AK5: variants seen among roughly 807,000 people sequenced by gnomAD.
AK5 encodes the protein adenylate kinase isoenzyme 5.
A neutral mutation model predicts 69.5 loss-of-function variants in AK5; 27 were observed. That is an observed-to-expected ratio of 0.39 (90% confidence interval 0.29 to 0.54). The LOEUF (loss-of-function observed/expected upper bound fraction) is 0.54, where lower values mean the gene tolerates loss of function less well. Among genes scored for constraint, AK5 ranks in the 20% least tolerant of loss-of-function variants. AK5 has a pLI of 0.71. For missense variants in AK5, 531 were observed against 700.4 expected (o/e 0.76, Z 2.73); for synonymous variants, 260 against 244.4 (o/e 1.06, Z -0.60).
chr1:77,485,833 T>A (rs1655553803), intron 9 of AK5, among the ~76,000 whole-genome samples: 1 of 152,072 alleles, frequency 6.6e-6, no homozygotes, highest in African/African-American at 2.4e-5. Context: ...AAGACTGAAA[T>A]AAGCAGGGCA....
At chr1:77,385,165 T>C (rs1422784935) in intron 6 of AK5, among the ~76,000 whole-genome samples, 1 of 152,028 alleles carries the variant, frequency 6.6e-6, no homozygotes, top group Non-Finnish European at 1.5e-5. Flanking sequence ...TTGTTTTGTT[T>C]TGTTTTGTTT....
chr1:77,438,714 A>G (rs1652124384), intron 8 of AK5, among the ~76,000 whole-genome samples: 1 of 152,218 alleles, frequency 6.6e-6, no homozygotes, highest in East Asian at 1.9e-4. Context: ...AGGCATGCTA[A>G]TCAACCAAAA....
intron 7 of AK5, among the ~76,000 whole-genome samples, chr1:77,415,929 G>T (rs957846368): frequency 3.9e-5 from 6 of 152,178 alleles, no homozygotes; most frequent in African/African-American, 1.4e-4. Flanking sequence ...TCTAAAATGA[G>T]AAGTGGGATT....
chr1:77,452,234 T>C (rs2100659143), intron 8 of AK5, among the ~76,000 whole-genome samples: 1 of 152,388 alleles, frequency 6.6e-6, no homozygotes, highest in South Asian at 2.1e-4. Flanking sequence ...TGTTGTTCTA[T>C]ATATGTATGT....
chr1:77,287,526 A>T (rs1169447796), intron 2 of AK5, among the ~76,000 whole-genome samples: 1 of 152,272 alleles, frequency 6.6e-6, no homozygotes. Context: ...GATTTGGCTT[A>T]CTAATATTTC....
intron 13 of AK5, among the ~76,000 whole-genome samples, chr1:77,548,594 T>C (rs72683624): frequency 0.013 from 1,974 of 152,260 alleles, 46 homozygotes; most frequent in South Asian, 0.11. Flanking sequence ...ATGGTGCCAA[T>C]ACATGAAAAA....
chr1:77,314,716 A>C (rs1268540185), intron 5 of AK5: 1 of 152,146 alleles, frequency 6.6e-6, no homozygotes, highest in Non-Finnish European at 1.5e-5. Context: ...GTCATCCTAC[A>C]GTGGCATAGA....
chr1:77,357,757 T>C (rs1662609867), intron 6 of AK5, among the ~76,000 whole-genome samples: 1 of 152,232 alleles, frequency 6.6e-6, no homozygotes, highest in African/African-American at 2.4e-5. Flanking sequence ...CTTATTTTAA[T>C]GAAGACATTT....
chr1:77,391,525 A>ATATATATATATATATATATATATATG (rs146163792), intron 6 of AK5, among the ~76,000 whole-genome samples: 2 of 121,682 alleles, frequency 1.6e-5, no homozygotes, highest in Non-Finnish European at 3.4e-5. Flanking sequence ...ATATATATAT[A>ATATATATATATATATATATATATATG]TATCTCCTCA....
At chr1:77,496,241 G>A (rs1477475370) in intron 10 of AK5, among the ~76,000 whole-genome samples, 1 of 152,198 alleles carries the variant, frequency 6.6e-6, no homozygotes. Flanking sequence ...TGAGGGAATG[G>A]TGTGTGCAGG....
At chr1:77,442,039 G>A (rs1461270851) in intron 8 of AK5, among the ~76,000 whole-genome samples, 1 of 152,146 alleles carries the variant, frequency 6.6e-6, no homozygotes, top group Non-Finnish European at 1.5e-5. Flanking sequence ...TACTCTGGAG[G>A]TTTTAGCCCA....
At chr1:77,312,086 G>A (rs1011499674) in intron 5 of AK5, among the ~76,000 whole-genome samples, 4 of 152,124 alleles carry the variant, frequency 2.6e-5, no homozygotes, top group African/African-American at 9.7e-5. Context: ...ATAAGTCCAT[G>A]GTAGCAGAAG....
chr1:77,408,282 C>T (rs1370175831), intron 6 of AK5, among the ~76,000 whole-genome samples: 1 of 152,174 alleles, frequency 6.6e-6, no homozygotes, highest in Non-Finnish European at 1.5e-5. Flanking sequence ...TCTCTGCAGC[C>T]TCTGCAGCAT....
At position 77,534,733 on chromosome 1, in the gene AK5, G is replaced by T. The variant is rs555514169; in HGVS notation, c.1429-1114G>T. Among the ~76,000 whole-genome samples the T allele has an allele frequency of 1.6e-3, 250 of 152,266 alleles. 1 individual carries two copies. Among genetic ancestry groups the T allele is most frequent in the Non-Finnish European group, 2.6e-3 (176 of 68,022 alleles). On this transcript the variant is annotated intron_variant, in intron 12 of 13. Transcript: ENST00000354567. Reference sequence around the variant, plus strand: ...AGCTACTCCGGAAGCTGAGGCAAGAGGATCACTTGAGTTCAGGAGTTCAAG... The same window carrying T: ...AGCTACTCCGGAAGCTGAGGCAAGATGATCACTTGAGTTCAGGAGTTCAAG...
At chr1:77,373,686 A>G (rs184351171) in intron 6 of AK5, among the ~76,000 whole-genome samples, 3 of 151,986 alleles carry the variant, frequency 2.0e-5, no homozygotes, top group African/African-American at 7.2e-5. Flanking sequence ...AGATCGTGCC[A>G]TTGCACTCCA....
At chr1:77,479,966 TACA>T (rs1313622033) in intron 8 of AK5, among the ~76,000 whole-genome samples, 11 of 152,226 alleles carry the variant, frequency 7.2e-5, no homozygotes, top group African/African-American at 2.7e-4. Context: ...TGAATAAGCC[TACA>T]GCCTTTGGTT....
chr1:77,518,343 C>G (rs1657784699), intron 10 of AK5, among the ~76,000 whole-genome samples: 1 of 152,192 alleles, frequency 6.6e-6, no homozygotes, highest in African/African-American at 2.4e-5. Flanking sequence ...ACACCTGCCC[C>G]CTCCCGCTTC....
intron 6 of AK5, among the ~76,000 whole-genome samples, chr1:77,408,551 T>G (rs1179128230): frequency 6.6e-6 from 1 of 152,088 alleles, no homozygotes; most frequent in Non-Finnish European, 1.5e-5. Context: ...GTGTAGTTTG[T>G]GAATATTTTC....
In AK5 at chr1:77,376,169, G is replaced by A. The variant is rs558756270; in HGVS notation, c.892-34812G>A. On this transcript the variant is annotated intron_variant, in intron 6 of 13. Coordinates refer to ENST00000354567, the MANE Select transcript of AK5 (RefSeq NM_174858.3). ...TGAAAACTCCAAGAGGATACCACTG[G>A]TTTATGTCACTTGAGACTCCAGACA... 4.6e-5 allele frequency among the ~76,000 whole-genome samples: 7 copies of A among 152,234 alleles called. No individual in the cohort carries two copies. The South Asian group carries it at 1.2e-3, about 27-fold the overall frequency.
Sources: allele counts gnomAD v4.1 joint callset (sites outside exome capture counted in the v4.1 genomes callset), GRCh38; gene constraint gnomAD v4.1.1; transcripts MANE v1.5; gene names NCBI Gene and HGNC (gene_info 2026-07-23, HGNC 2026-07-21).